GRIK1: variants seen among roughly 807,000 people sequenced by gnomAD.
The protein encoded by GRIK1 is glutamate ionotropic receptor kainate type subunit 1.
A neutral mutation model predicts 105.7 loss-of-function variants in GRIK1; 69 were observed. The observed-to-expected ratio is 0.65, with a 90% CI of 0.54 to 0.80. The LOEUF (loss-of-function observed/expected upper bound fraction) is 0.80. GRIK1 is among the 30% of genes least tolerant of loss of function. The pLI is 0.00. For synonymous variants in GRIK1, 438 were observed against 431.3 expected (o/e 1.02, Z -0.19); for missense variants, 1,109 against 1,167.3 (o/e 0.95, Z 0.73).
chr21:29,634,102 T>C (rs2008727), intron 7 of GRIK1, among the ~76,000 whole-genome samples: 77,599 of 151,602 alleles, frequency 0.51, 22,198 homozygotes, highest in African/African-American at 0.79. Flanking sequence ...CCATACAAAA[T>C]CAGCCAACCA....
intron 1 of GRIK1, among the ~76,000 whole-genome samples, chr21:29,863,253 A>G (rs917704929): frequency 1.3e-5 from 2 of 152,216 alleles, no homozygotes; most frequent in Non-Finnish European, 2.9e-5. Flanking sequence ...ATCCGTTGCT[A>G]GAAATTCTGA....
intron 1 of GRIK1, among the ~76,000 whole-genome samples, chr21:29,736,270 A>G (rs918806916): frequency 1.3e-5 from 2 of 152,178 alleles, no homozygotes; most frequent in African/African-American, 4.8e-5. Context: ...CCTAGGCTGG[A>G]GTGCAGTGGT....
At chr21:29,829,982 C>A (rs2067580267) in intron 1 of GRIK1, among the ~76,000 whole-genome samples, 1 of 152,090 alleles carries the variant, frequency 6.6e-6, no homozygotes, top group East Asian at 1.9e-4. Flanking sequence ...TCAAAATAGT[C>A]ATTGTTTAAG....
intron 7 of GRIK1, among the ~76,000 whole-genome samples, chr21:29,615,801 G>A (rs900386966): frequency 4.6e-5 from 7 of 152,122 alleles, no homozygotes; most frequent in African/African-American, 1.7e-4. Context: ...AAAGGCTTTT[G>A]CGGTTTCACC....
In GRIK1 at chr21:29,617,591, G is replaced by A. The variant is rs116507518; in HGVS notation, c.1099-18654C>T. ...CCGGGCCCAGTGCCAAGACAGGAGTGTTTTCAGAAGCGCTTGCATCTAAAC... is the reference window on the plus strand; with the variant it reads ...CCGGGCCCAGTGCCAAGACAGGAGTATTTTCAGAAGCGCTTGCATCTAAAC... On this transcript the variant is annotated intron_variant, in intron 7 of 17. Transcript: ENST00000327783. Among the ~76,000 whole-genome samples the A allele has an allele frequency of 3.6e-3, 553 of 152,310 alleles. 3 individuals carry two copies. Among genetic ancestry groups the A allele is most frequent in the African/African-American group, 0.013 (531 of 41,568 alleles).
chr21:29,938,470 A>C (rs572146180), intron 1 of GRIK1, among the ~76,000 whole-genome samples: 1 of 152,342 alleles, frequency 6.6e-6, no homozygotes, highest in South Asian at 2.1e-4. Flanking sequence ...CAACCCTCAA[A>C]GTTCAGAAAT....
At chr21:29,766,820 C>T (rs969097683) in intron 1 of GRIK1, among the ~76,000 whole-genome samples, 1 of 151,698 alleles carries the variant, frequency 6.6e-6, no homozygotes, top group Admixed American at 6.6e-5. Context: ...AAATGGCTTC[C>T]CTCTTCTAAA....
intron 1 of GRIK1, among the ~76,000 whole-genome samples, chr21:29,911,482 A>G (rs2070814353): frequency 6.6e-6 from 1 of 152,070 alleles, no homozygotes; most frequent in Non-Finnish European, 1.5e-5. Flanking sequence ...TTATTGAGAT[A>G]ATTGAGGAAA....
chr21:29,905,619 ATTTTTTT>A (rs869179451), intron 1 of GRIK1, among the ~76,000 whole-genome samples: 5 of 72,584 alleles, frequency 6.9e-5, no homozygotes, highest in Admixed American at 3.8e-4. Context: ...CAAATTTTGT[ATTTTTTT>A]TTTTTTTTTT....
intron 16 of GRIK1, among the ~76,000 whole-genome samples, chr21:29,542,524 T>A (rs898702329): frequency 2.0e-5 from 3 of 152,200 alleles, no homozygotes; most frequent in African/African-American, 7.2e-5. Context: ...TAACAATTTT[T>A]TTAAGTTATA....
chr21:29,902,891 G>T (rs1046229733), intron 1 of GRIK1, among the ~76,000 whole-genome samples: 1 of 152,112 alleles, frequency 6.6e-6, no homozygotes, highest in Non-Finnish European at 1.5e-5. Flanking sequence ...ACACTACAAG[G>T]CTACAGTAAC....
chr21:29,565,642 C>G (rs1018066778), intron 14 of GRIK1, among the ~76,000 whole-genome samples: 3 of 152,190 alleles, frequency 2.0e-5, no homozygotes, highest in African/African-American at 7.2e-5. Context: ...CCATGTTGGC[C>G]AGGCTGGTCT....
chr21:29,707,120 T>C (rs2063927040), intron 1 of GRIK1, among the ~76,000 whole-genome samples: 1 of 152,234 alleles, frequency 6.6e-6, no homozygotes, highest in Admixed American at 6.5e-5. Flanking sequence ...CTCCTCGGCC[T>C]CCCGAAGTGC....
intron 7 of GRIK1, among the ~76,000 whole-genome samples, chr21:29,608,185 C>T (rs920027376): frequency 6.6e-6 from 1 of 152,060 alleles, no homozygotes; most frequent in Admixed American, 6.6e-5. Context: ...GGTTTTGCCA[C>T]TTTGAAGATG....
intron 1 of GRIK1, among the ~76,000 whole-genome samples, chr21:29,844,056 G>A (rs1365376846): frequency 1.3e-5 from 2 of 152,244 alleles, no homozygotes; most frequent in East Asian, 1.9e-4. Context: ...CTCTCATTAC[G>A]CCATTTGGAA....
At chr21:29,842,040 AG>A (rs1323889245) in intron 1 of GRIK1, among the ~76,000 whole-genome samples, 21 of 152,202 alleles carry the variant, frequency 1.4e-4, no homozygotes, top group Non-Finnish European at 3.1e-4. Flanking sequence ...CTAAATCTCT[AG>A]ATGATCCCTT....
At chr21:29,632,536 C>T (rs992700084) in intron 7 of GRIK1, among the ~76,000 whole-genome samples, 2 of 148,128 alleles carry the variant, frequency 1.4e-5, no homozygotes, top group East Asian at 2.0e-4. Flanking sequence ...CACACACACA[C>T]GGTCTCACAA....
At chr21:29,840,087 T>C (rs1049884434) in intron 1 of GRIK1, among the ~76,000 whole-genome samples, 1 of 152,162 alleles carries the variant, frequency 6.6e-6, no homozygotes, top group Non-Finnish European at 1.5e-5. Context: ...GAGTGGGAAT[T>C]GAAAAATAGG....
chr21:29,671,237 C>T (rs562219435), intron 4 of GRIK1, among the ~76,000 whole-genome samples: 1 of 152,126 alleles, frequency 6.6e-6, no homozygotes, highest in South Asian at 2.1e-4. Flanking sequence ...ATTCTCCTGC[C>T]TCAGCCTCCC....
Sources: allele counts gnomAD v4.1 joint callset (sites outside exome capture counted in the v4.1 genomes callset), GRCh38; gene constraint gnomAD v4.1.1; transcripts MANE v1.5; gene names NCBI Gene and HGNC (gene_info 2026-07-23, HGNC 2026-07-21).